The following NCOA2 variants were observed in gnomAD, a reference collection of about 807,000 sequenced individuals.
NCOA2 encodes the protein nuclear receptor coactivator 2.
Under a neutral mutation model 145.1 loss-of-function variants are expected in NCOA2, and 21 were observed. The observed-to-expected ratio is 0.14, with a 90% CI of 0.10 to 0.21. NCOA2 has a LOEUF of 0.21. Ranked by LOEUF, NCOA2 falls within the 10% of genes least tolerant of loss-of-function variation. The pLI is 1.00. For missense variants in NCOA2, 1,472 were observed against 1,837.6 expected (o/e 0.80, Z 3.64); for synonymous variants, 619 against 637.5 (o/e 0.97, Z 0.44).
rs555211255 is a variant in NCOA2 at position 70,282,361 on chromosome 8, G to A, written c.-20+14383C>T. 2.0e-5 allele frequency among the ~76,000 whole-genome samples: 3 copies of A among 152,124 alleles called. No homozygotes were observed. In the South Asian group the frequency reaches 6.2e-4, roughly 31 times the overall value. The stretch of plus-strand genomic sequence containing the variant: ...ACAGGATAACCTTATTATGGGTCCC[G>A]TCTTTTCTACTAATTAATTACATGA... On this transcript the variant is annotated intron_variant, in intron 2 of 22. Transcript: ENST00000452400.
At chr8:70,251,584 T>C (rs548001856) in intron 2 of NCOA2, among the ~76,000 whole-genome samples, 41 of 152,366 alleles carry the variant, frequency 2.7e-4, no homozygotes, top group Non-Finnish European at 5.1e-4. Context: ...CTGAAATTCT[T>C]AAGTCATCTG....
chr8:70,414,244 A>G, the NCOA2 span, among the ~76,000 whole-genome samples: 1 of 152,074 alleles, frequency 6.6e-6, no homozygotes. Flanking sequence ...AAGACTAACA[A>G]TGCTCTTCCA....
In NCOA2 at chr8:70,123,867, T is replaced by G; in HGVS notation, c.4293+17A>C. 1.9e-6 allele frequency: 3 copies of G among 1,579,888 alleles called. No individual in the cohort carries two copies. Among genetic ancestry groups the G allele is most frequent in the Non-Finnish European group, 2.6e-6 (3 of 1,158,360 alleles). ...CGTGATATGAAGCCACTGGGTTGCT[T>G]CTCCTTGGGCACTCACCTGCTCGGG... On this transcript the variant is annotated intron_variant, in intron 21 of 22. Transcript: ENST00000452400.
At position 70,180,543 on chromosome 8, in the gene NCOA2, C is replaced by T. The variant is rs115356138; in HGVS notation, c.260-5684G>A. ...GGTTTTTTTATAAGTAATTATTATTCGTGCTTTCTCTTAGAACAAAAGAAA... is the reference window on the plus strand; with the variant it reads ...GGTTTTTTTATAAGTAATTATTATTTGTGCTTTCTCTTAGAACAAAAGAAA... On this transcript the variant is annotated intron_variant, in intron 4 of 22. Coordinates refer to ENST00000452400, the MANE Select transcript of NCOA2 (RefSeq NM_006540.4). Among the ~76,000 whole-genome samples the T allele has an allele frequency of 8.4e-4, 128 of 152,044 alleles. 1 individual carries two copies. The highest frequency in any genetic ancestry group is 8.4e-4 in the Non-Finnish European group (57 of 68,014).
At chr8:70,149,261 G>C (rs962069076) in intron 11 of NCOA2, among the ~76,000 whole-genome samples, 1 of 151,192 alleles carries the variant, frequency 6.6e-6, no homozygotes, top group Non-Finnish European at 1.5e-5. Context: ...CTGAGAAAGG[G>C]TCTTGCTCTG....
At chr8:70,442,693 G>A in the NCOA2 span, among the ~76,000 whole-genome samples, 7 of 152,196 alleles carry the variant, frequency 4.6e-5, no homozygotes, top group African/African-American at 1.7e-4. Context: ...CTTATGCAAA[G>A]GGTCTTACCT....
At chr8:70,289,196 C>T (rs913016047) in intron 2 of NCOA2, among the ~76,000 whole-genome samples, 2 of 152,040 alleles carry the variant, frequency 1.3e-5, no homozygotes, top group African/African-American at 4.8e-5. Context: ...GTAATAAAAC[C>T]GCCACTTAAA....
chr8:70,138,087 G>A, intron 15 of NCOA2, 116 bp downstream of exon 15: 1 of 1,136,440 alleles, frequency 8.8e-7, no homozygotes. Context: ...GCACTGCACA[G>A]TAGATAATAT....
chr8:70,243,950 A>G (rs1008205632), intron 2 of NCOA2, among the ~76,000 whole-genome samples: 5 of 152,102 alleles, frequency 3.3e-5, no homozygotes, highest in Non-Finnish European at 4.4e-5. Flanking sequence ...TTATTAAACT[A>G]TACTGTGCTA....
chr8:70,167,873 C>T (rs1168270438), intron 6 of NCOA2, among the ~76,000 whole-genome samples: 1 of 152,112 alleles, frequency 6.6e-6, no homozygotes, highest in Non-Finnish European at 1.5e-5. Flanking sequence ...GGTTAACTTC[C>T]TCATTTGACA....
intron 5 of NCOA2, among the ~76,000 whole-genome samples, chr8:70,173,354 T>G (rs1442605418): frequency 2.0e-5 from 3 of 152,132 alleles, no homozygotes; most frequent in Non-Finnish European, 4.4e-5. Context: ...TAAACACATG[T>G]ATAGGGAAAT....
chr8:70,355,804 T>G (rs1809636882), intron 1 of NCOA2, among the ~76,000 whole-genome samples: 1 of 152,200 alleles, frequency 6.6e-6, no homozygotes. Flanking sequence ...TTGTAATTCA[T>G]TAGTATATCT....
chr8:70,188,651 A>C (rs916861405), intron 4 of NCOA2, among the ~76,000 whole-genome samples: 14 of 150,182 alleles, frequency 9.3e-5, no homozygotes, highest in Admixed American at 9.2e-4. Context: ...ATTGTACAAC[A>C]AAAAAAACCT....
chr8:70,297,758 C>G (rs979473824), intron 1 of NCOA2, among the ~76,000 whole-genome samples: 2 of 152,218 alleles, frequency 1.3e-5, no homozygotes, highest in Non-Finnish European at 2.9e-5. Flanking sequence ...TGCAATGTTT[C>G]TTCAGAGTCT....
intron 1 of NCOA2, among the ~76,000 whole-genome samples, chr8:70,309,848 G>C (rs1828171696): frequency 6.6e-6 from 1 of 152,116 alleles, no homozygotes; most frequent in Non-Finnish European, 1.5e-5. Context: ...CAGCTACTCA[G>C]GAGGCTGAGG....
intron 1 of NCOA2, among the ~76,000 whole-genome samples, chr8:70,355,836 TAA>T (rs1809640635): frequency 6.6e-6 from 1 of 152,210 alleles, no homozygotes; most frequent in South Asian, 2.1e-4. Context: ...GCTGAACAGC[TAA>T]AGACAGAATG....
At chr8:70,352,929 C>T (rs1809369739) in intron 1 of NCOA2, among the ~76,000 whole-genome samples, 1 of 152,228 alleles carries the variant, frequency 6.6e-6, no homozygotes, top group East Asian at 1.9e-4. Context: ...CCCATAAGAG[C>T]TTATTTTGCT....
intron 2 of NCOA2, among the ~76,000 whole-genome samples, chr8:70,290,184 A>AT (rs918257984): frequency 0.016 from 1,963 of 122,302 alleles, 37 homozygotes; most frequent in South Asian, 0.032. Flanking sequence ...ATTTCCATTG[A>AT]TTTTTTTTTT....
chr8:70,121,126 A>G (rs975228430), intron 22 of NCOA2, among the ~76,000 whole-genome samples, 176 bp downstream of exon 22: 1 of 152,268 alleles, frequency 6.6e-6, no homozygotes, highest in Non-Finnish European at 1.5e-5. Context: ...CTGAGTTAAA[A>G]TGAGCTTAAA....
Sources: gnomAD v4.1 joint callset for allele counts (sites outside exome capture counted in the v4.1 genomes callset) on GRCh38, gnomAD v4.1.1 for gene constraint, MANE v1.5 for transcripts, NCBI Gene and HGNC (gene_info 2026-07-23, HGNC 2026-07-21) for gene names.